RAMP1: variants seen among roughly 807,000 people sequenced by gnomAD.
RAMP1 encodes receptor activity modifying protein 1.
Under a neutral mutation model 8.2 loss-of-function variants are expected in RAMP1, and 7 were observed. The observed-to-expected ratio is 0.85, with a 90% CI of 0.49 to 1.60. The LOEUF (loss-of-function observed/expected upper bound fraction) is 1.60, where lower values mean the gene tolerates loss of function less well. RAMP1 is among the 40% of genes most tolerant of loss of function. The pLI is 0.00. For missense variants in RAMP1, 192 were observed against 202.4 expected (o/e 0.95, Z 0.31); for synonymous variants, 92 against 84.7 (o/e 1.09, Z -0.47).
intron 2 of RAMP1, among the ~76,000 whole-genome samples, chr2:237,890,022 G>A (rs143778755): frequency 0.013 from 1,942 of 152,290 alleles, 28 homozygotes; most frequent in Non-Finnish European, 0.016. Flanking sequence ...CGCCGGCTGC[G>A]TCCCTCCTTC....
At chr2:237,872,267 G>A (rs149829137) in intron 1 of RAMP1, among the ~76,000 whole-genome samples, 326 of 152,276 alleles carry the variant, frequency 2.1e-3, no homozygotes, top group Middle Eastern at 6.8e-3. Context: ...GGGGCACCTC[G>A]TGCTCTATCC....
chr2:237,898,815 G>C (rs1298803236), intron 2 of RAMP1, among the ~76,000 whole-genome samples: 2 of 152,176 alleles, frequency 1.3e-5, no homozygotes, highest in African/African-American at 4.8e-5. Context: ...CACACCTGAC[G>C]CACGCCAGGC....
intron 1 of RAMP1, among the ~76,000 whole-genome samples, chr2:237,876,775 T>C (rs1031664210): frequency 3.3e-5 from 5 of 151,822 alleles, no homozygotes; most frequent in African/African-American, 1.2e-4. Flanking sequence ...GGGAGCACAG[T>C]TCATGCTTCC....
intron 2 of RAMP1, among the ~76,000 whole-genome samples, chr2:237,905,941 G>A (rs1232255794): frequency 6.6e-6 from 1 of 150,578 alleles, no homozygotes; most frequent in African/African-American, 2.5e-5. Context: ...AACCTGGGAA[G>A]CGGAGGTTGC....
At chr2:237,864,877 C>T (rs1382409211) in intron 1 of RAMP1, among the ~76,000 whole-genome samples, 1 of 143,464 alleles carries the variant, frequency 7.0e-6, no homozygotes, top group Non-Finnish European at 1.5e-5. Flanking sequence ...GACGGTTGTG[C>T]AAAGGCCCTG....
intron 1 of RAMP1, among the ~76,000 whole-genome samples, chr2:237,875,281 C>T (rs2062290558): frequency 6.6e-6 from 1 of 152,164 alleles, no homozygotes; most frequent in South Asian, 2.1e-4. Context: ...CAGCCAGCCC[C>T]AAGGTGCACT....
At chr2:237,911,339 G>A (rs1350487578) in intron 2 of RAMP1, among the ~76,000 whole-genome samples, 189 bp from the exon 3 acceptor site, 3 of 152,230 alleles carry the variant, frequency 2.0e-5, no homozygotes, top group South Asian at 2.1e-4. Flanking sequence ...CATGCAGGTC[G>A]CCTTGGAGTC....
At position 237,877,907 on chromosome 2, in the gene RAMP1, T is replaced by A; in HGVS notation, c.191+545T>A. The stretch of plus-strand genomic sequence containing the variant: ...GATCCTCCTGCCCAAGGGCCCTTCT[T>A]CCCGCTTGAGGGGCTCCCTCATTGC... On this transcript the variant is annotated intron_variant, in intron 2 of 2. Coordinates refer to ENST00000254661, the MANE Select transcript of RAMP1 (RefSeq NM_005855.4). This position sits in a 1 kb window ranked among gnomAD's most constrained non-coding sequence, Gnocchi z 4.4. 2.1e-6 allele frequency: 2 copies of A among 972,170 alleles called. No individual in the cohort carries two copies. Among genetic ancestry groups the A allele is most frequent in the Non-Finnish European group, 1.2e-6 (1 of 817,906 alleles). 60.2% of individuals were successfully genotyped at this position (972,170 alleles called of 1,614,324 possible).
chr2:237,886,825 G>C (rs1288989616), intron 2 of RAMP1, among the ~76,000 whole-genome samples: 1 of 152,240 alleles, frequency 6.6e-6, no homozygotes, highest in Non-Finnish European at 1.5e-5. Flanking sequence ...CGAAAGGTCA[G>C]ACATGCGGTG....
At chr2:237,894,528 C>T (rs1040616980) in intron 2 of RAMP1, among the ~76,000 whole-genome samples, 2 of 152,186 alleles carry the variant, frequency 1.3e-5, no homozygotes, top group African/African-American at 4.8e-5. Context: ...CAGCCAGGAC[C>T]ACCAGGGAAT....
rs199557016 is a variant in RAMP1, at chr2:237,877,192, C to T, written c.53-32C>T. ...GATACCCCTAGGCCTCTGCTGCCGCCCGCCATCTCTTCATGGCCGTGTCTA... is the reference window on the plus strand; with the variant it reads ...GATACCCCTAGGCCTCTGCTGCCGCTCGCCATCTCTTCATGGCCGTGTCTA... On this transcript the variant is annotated intron_variant, in intron 1 of 2. Coordinates refer to ENST00000254661, the MANE Select transcript of RAMP1 (RefSeq NM_005855.4). This position sits in a 1 kb window ranked among gnomAD's most constrained non-coding sequence, Gnocchi z 4.4. 1 of 1,612,786 alleles carries T rather than the reference C, an allele frequency of 6.2e-7. No homozygotes were observed. Among genetic ancestry groups the T allele is most frequent in the Non-Finnish European group, 8.5e-7 (1 of 1,179,948 alleles).
At chr2:237,890,503 G>A (rs1376337945) in intron 2 of RAMP1, among the ~76,000 whole-genome samples, 3 of 152,188 alleles carry the variant, frequency 2.0e-5, no homozygotes, top group Non-Finnish European at 4.4e-5. Context: ...CACCGAGCCA[G>A]AAATAATTTG....
In RAMP1 at chr2:237,876,851, G is replaced by C. The variant is rs12476350; in HGVS notation, c.53-373G>C. Among the ~76,000 whole-genome samples the C allele has an allele frequency of 2.0e-5, 3 of 152,242 alleles. No homozygotes were observed. The South Asian group carries it at 6.2e-4, about 32-fold the overall frequency. On this transcript the variant is annotated intron_variant, in intron 1 of 2. Coordinates refer to ENST00000254661, the MANE Select transcript of RAMP1 (RefSeq NM_005855.4). ...GAGATGTGCCTGCAGCTCCTGGGCT[G>C]GGGGGCACAGCCCAGCCCAGCCCAT...
Position 237,877,872 on chromosome 2 carries a change from C to T in RAMP1, c.191+510C>T, listed in dbSNP as rs2062325397. 3 of 822,654 alleles carry T rather than the reference C, an allele frequency of 3.6e-6. No individual in the cohort carries two copies. The highest frequency in any genetic ancestry group is 1.9e-5 in the African/African-American group (1 of 53,924). 51.0% of individuals were successfully genotyped at this position (822,654 alleles called of 1,614,324 possible). Reference sequence around the variant, plus strand: ...GGACGGCTTCAGCCGAACCCTTCCCCACCTGGCCCGATCCTCCTGCCCAAG... The same window carrying T: ...GGACGGCTTCAGCCGAACCCTTCCCTACCTGGCCCGATCCTCCTGCCCAAG... On this transcript the variant is annotated intron_variant, in intron 2 of 2. Transcript: ENST00000254661. The surrounding 1 kb of genome is among the most constrained non-coding windows in gnomAD (Gnocchi z 4.4).
In RAMP1 at chr2:237,891,789, T is replaced by C. The variant is rs563093303; in HGVS notation, c.191+14427T>C. ...CCTTTATGTGTTGCTGAATTTCTTA[T>C]GTAGTTGATAATGAAGTATTTTAAT... is the stretch of plus-strand genomic sequence containing the variant. On this transcript the variant is annotated intron_variant, in intron 2 of 2. Transcript: ENST00000254661. 1.3e-3 allele frequency among the ~76,000 whole-genome samples: 197 copies of C among 152,358 alleles called. 3 individuals are homozygous for C. Among genetic ancestry groups the C allele is most frequent in the Non-Finnish European group, 2.4e-3 (166 of 68,028 alleles).
chr2:237,888,928 C>T lies in RAMP1; in HGVS notation c.191+11566C>T, dbSNP rs558300322. On this transcript the variant is annotated intron_variant, in intron 2 of 2. Transcript: ENST00000254661. ...CTGGAACTACAGGCACCCGCCACCACGCCCAGCTAATTTTTTGTATTTTTA... is the reference window on the plus strand; with the variant it reads ...CTGGAACTACAGGCACCCGCCACCATGCCCAGCTAATTTTTTGTATTTTTA... Among the ~76,000 whole-genome samples the T allele has an allele frequency of 1.6e-4, 24 of 152,118 alleles. 2 individuals carry two copies. Among genetic ancestry groups the T allele is most frequent in the Admixed American group, 1.5e-3 (23 of 15,278 alleles).
intron 2 of RAMP1, among the ~76,000 whole-genome samples, chr2:237,910,797 TCA>T (rs1370285813): frequency 2.1e-5 from 3 of 145,238 alleles, no homozygotes; most frequent in Admixed American, 2.0e-4. Flanking sequence ...TCACACAATG[TCA>T]CACACAGTCA....
intron 2 of RAMP1, among the ~76,000 whole-genome samples, chr2:237,889,137 G>A (rs2062464579): frequency 6.6e-6 from 1 of 152,088 alleles, no homozygotes; most frequent in African/African-American, 2.4e-5. Flanking sequence ...TCGTTTGTGT[G>A]TCTTTTGATG....
intron 1 of RAMP1, chr2:237,874,812 G>C: frequency 1.5e-6 from 1 of 666,778 alleles, no homozygotes; most frequent in East Asian, 1.4e-4. Flanking sequence ...CAGCCAAGAG[G>C]GTTCTGAGAA....
Sources: allele counts gnomAD v4.1 joint callset (sites outside exome capture counted in the v4.1 genomes callset), GRCh38; gene constraint gnomAD v4.1.1; non-coding constraint Gnocchi (gnomAD v3.1); transcripts MANE v1.5; gene names NCBI Gene and HGNC (gene_info 2026-07-23, HGNC 2026-07-21).